The following ZFP36 variants were observed in gnomAD, a reference collection of about 807,000 sequenced individuals.
ZFP36 encodes the protein mRNA decay activator protein ZFP36.
Under a neutral mutation model 19.8 loss-of-function variants are expected in ZFP36, and 13 were observed. The observed-to-expected ratio is 0.66, with a 90% CI of 0.43 to 1.04. ZFP36 has a LOEUF of 1.04. ZFP36 is among the 50% of genes least tolerant of loss of function. ZFP36 has a pLI of 0.00. For missense variants in ZFP36, 354 were observed against 441.6 expected, an observed-to-expected ratio of 0.80 and a Z score of 1.78; for synonymous variants, 191 against 194.5, an observed-to-expected ratio of 0.98 and a Z score of 0.15.
rs1056106611 is a variant in ZFP36, at chr19:39,408,623, G to A, written c.905G>A (p.Gly302Glu). The A allele has an allele frequency of 1.2e-6, 2 of 1,607,442 alleles. No individual in the cohort carries two copies. The highest frequency in any genetic ancestry group is 8.5e-7 in the Non-Finnish European group (1 of 1,177,050). Residue 302 changes from glycine (G) to glutamate (E), a missense_variant, in exon 2 of 2, where the codon GGA becomes GAA. Transcript: ENST00000597629. The surrounding 1 kb of genome is among the most constrained non-coding windows in gnomAD (Gnocchi z 6.0). ...GGSDSPVFEA[G>E]VFAPPQPVAA... ...TCTGACTCTCCCGTCTTCGAGGCGGGAGTTTTTGCACCACCCCAGCCCGTG... is the reference window on the plus strand; with the variant it reads ...TCTGACTCTCCCGTCTTCGAGGCGGAAGTTTTTGCACCACCCCAGCCCGTG...
At position 39,407,305 on chromosome 19, in the gene ZFP36, T is replaced by TG. The variant is rs1472895631; in HGVS notation, c.24+383dup. The TG allele has an allele frequency of 1.1e-5, 5 of 453,276 alleles. No homozygotes were observed. The highest frequency in any genetic ancestry group is 8.3e-5 in the Admixed American group (2 of 24,208). The allele number at this position is 453,276 out of a possible 1,614,324, so 28.1% of individuals were successfully genotyped here. A position where few individuals can be genotyped will look rare whatever the true frequency, so the allele number is the denominator to read the frequency against. On this transcript the variant is annotated intron_variant, in intron 1 of 1. Transcript: ENST00000597629. This position sits in a 1 kb window ranked among gnomAD's most constrained non-coding sequence, Gnocchi z 7.6. ...CGTCTCTGGGGCTGAAGTCTCAGGG[T>TG]GGGGGGATCCGACTTCTGTCTCTCC... is the stretch of plus-strand genomic sequence containing the variant.
intron 1 of ZFP36, 46 bp downstream of exon 1, chr19:39,406,974 C>A (rs1198450955): frequency 1.9e-6 from 3 of 1,604,284 alleles, no homozygotes; most frequent in Admixed American, 3.4e-5. Context: ...ATGCCTGAGT[C>A]CGAGTCCCCA....
At position 39,407,563 on chromosome 19, in the gene ZFP36, G is replaced by C. The variant is rs1191898395; in HGVS notation, c.25-180G>C. ...GGGTCCCTCGGGATAAGGCCTCGGTGGTGGGTAAACTCAGAACCTCCAACT... is the reference window on the plus strand; with the variant it reads ...GGGTCCCTCGGGATAAGGCCTCGGTCGTGGGTAAACTCAGAACCTCCAACT... On this transcript the variant is annotated intron_variant, in intron 1 of 1. Transcript: ENST00000597629. This position sits in a 1 kb window ranked among gnomAD's most constrained non-coding sequence, Gnocchi z 7.6. 1.4e-5 allele frequency: 8 copies of C among 579,654 alleles called. No homozygotes were observed. Among genetic ancestry groups the C allele is most frequent in the Middle Eastern group, 4.9e-4 (1 of 2,024 alleles). The allele number at this position is 579,654 out of a possible 1,614,324, so 35.9% of individuals were successfully genotyped here.
chr19:39,408,262 C>T lies in ZFP36; in HGVS notation c.544C>T (p.Arg182Cys), dbSNP rs2078487866. 3.1e-6 allele frequency: 5 copies of T among 1,613,576 alleles called. No individual in the cohort carries two copies. The highest frequency in any genetic ancestry group is 2.2e-5 in the South Asian group (2 of 91,070). Residue 182 changes from arginine to cysteine, a missense_variant, in exon 2 of 2, where the codon CGC becomes TGC. Coordinates refer to ENST00000597629, the MANE Select transcript of ZFP36 (RefSeq NM_003407.5). The surrounding 1 kb of genome is among the most constrained non-coding windows in gnomAD (Gnocchi z 6.0). The stretch of plus-strand genomic sequence containing the variant: ...GGCCCCGGGCCACCCTCCTGTGCTT[C>T]GCCAGAGCATCAGCTTCTCCGGCCT... ...LAAPGHPPVL[R>C]QSISFSGLPS...
chr19:39,407,573 C>G lies in ZFP36; in HGVS notation c.25-170C>G. 2 of 619,162 alleles carry G rather than the reference C, an allele frequency of 3.2e-6. No individual in the cohort carries two copies. Among genetic ancestry groups the G allele is most frequent in the Non-Finnish European group, 2.7e-6 (1 of 366,144 alleles). 38.4% of individuals were successfully genotyped at this position (619,162 alleles called of 1,614,324 possible). A position where few individuals can be genotyped will look rare whatever the true frequency, so the allele number is the denominator to read the frequency against. ...GGATAAGGCCTCGGTGGTGGGTAAA[C>G]TCAGAACCTCCAACTCTGGGTTCCT... On this transcript the variant is annotated intron_variant, in intron 1 of 1. Coordinates refer to ENST00000597629, the MANE Select transcript of ZFP36 (RefSeq NM_003407.5). This position sits in a 1 kb window ranked among gnomAD's most constrained non-coding sequence, Gnocchi z 7.6.
In ZFP36 at chr19:39,407,216, C is replaced by T; in HGVS notation, c.24+288C>T. The T allele has an allele frequency of 1.9e-6, 1 of 536,130 alleles. No homozygotes were observed. Among genetic ancestry groups the T allele is most frequent in the East Asian group, 3.3e-5 (1 of 30,010 alleles). The allele number at this position is 536,130 out of a possible 1,614,324, so 33.2% of individuals were successfully genotyped here. A position where few individuals can be genotyped will look rare whatever the true frequency, so the allele number is the denominator to read the frequency against. On this transcript the variant is annotated intron_variant, in intron 1 of 1. Transcript: ENST00000597629. The surrounding 1 kb of genome is among the most constrained non-coding windows in gnomAD (Gnocchi z 7.6). ...TTCTCAGACCGAGGCTGCCTGGAGG[C>T]GGAAGTGGCCCCCATACCTGGCTCA...
Position 39,408,843 on chromosome 19 carries a change from TC to T in ZFP36, c.*148del. ...CCTTTTCCAGAATGCATTAACCCAC[TC>T]CCCTGACCTCACGCTGGGGCAGGTC... is the stretch of plus-strand genomic sequence containing the variant. On this transcript the variant is annotated 3_prime_UTR_variant, in exon 2 of 2. Transcript: ENST00000597629. This position sits in a 1 kb window ranked among gnomAD's most constrained non-coding sequence, Gnocchi z 6.0. 1 of 745,600 alleles carries T rather than the reference TC, an allele frequency of 1.3e-6. No individual in the cohort carries two copies. Among genetic ancestry groups the T allele is most frequent in the Non-Finnish European group, 2.0e-6 (1 of 492,278 alleles). The allele number at this position is 745,600 out of a possible 1,614,324, so 46.2% of individuals were successfully genotyped here.
chr19:39,408,323 G>C lies in ZFP36; in HGVS notation c.605G>C (p.Gly202Ala). Residue 202 changes from glycine (G) to alanine (A), a missense_variant, in exon 2 of 2, where the codon GGC (glycine) becomes GCC (alanine). Gly to Ala is a moderately conservative substitution (Grantham distance 60). Transcript: ENST00000597629. The surrounding 1 kb of genome is among the most constrained non-coding windows in gnomAD (Gnocchi z 6.0). ...CGCCGGACCTCACCACCACCACCAGGCCTGGCCGGCCCTTCCCTGTCCTCC... is the reference window on the plus strand; with the variant it reads ...CGCCGGACCTCACCACCACCACCAGCCCTGGCCGGCCCTTCCCTGTCCTCC... The part of the protein sequence containing the change: ...SGRRTSPPPP[G>A]LAGPSLSSSS... 5 of 1,613,382 alleles carry C rather than the reference G, an allele frequency of 3.1e-6. No homozygotes were observed. Among genetic ancestry groups the C allele is most frequent in the Non-Finnish European group, 4.2e-6 (5 of 1,179,820 alleles).
chr19:39,407,758 A>C lies in ZFP36; in HGVS notation c.40A>C (p.Ser14Arg). The C allele has an allele frequency of 6.5e-7, 1 of 1,537,830 alleles. No homozygotes were observed. Among genetic ancestry groups the C allele is most frequent in the East Asian group, 2.3e-5 (1 of 44,236 alleles). Residue 14 changes from serine to arginine, a missense_variant, in exon 2 of 2, where the codon AGC (serine) becomes CGC (arginine). Transcript: ENST00000597629. The surrounding 1 kb of genome is among the most constrained non-coding windows in gnomAD (Gnocchi z 7.6). ...ATTTCCGCAGAGCCTCCTGTCGCTG[A>C]GCCCTGACGTGCCCGTGCCATCCGA... ...TAIYESLLSLSPDVPVPSDHG... is the reference protein window; with the variant it reads ...TAIYESLLSLRPDVPVPSDHG...
At position 39,407,688 on chromosome 19, in the gene ZFP36, TG is replaced by T; in HGVS notation, c.25-51del. On this transcript the variant is annotated intron_variant, in intron 1 of 1. Coordinates refer to ENST00000597629, the MANE Select transcript of ZFP36 (RefSeq NM_003407.5). This position sits in a 1 kb window ranked among gnomAD's most constrained non-coding sequence, Gnocchi z 7.6. ...CTGGCAAGCTCTAGTTCCCTGCAGCTGGGGTGGGGCGTCGCCCTGCATTTTC... is the reference window on the plus strand; with the variant it reads ...CTGGCAAGCTCTAGTTCCCTGCAGCTGGGTGGGGCGTCGCCCTGCATTTTC... The T allele has an allele frequency of 6.8e-7, 1 of 1,463,292 alleles. No individual in the cohort carries two copies. The highest frequency in any genetic ancestry group is 9.1e-7 in the Non-Finnish European group (1 of 1,101,356). The allele number at this position is 1,463,292 out of a possible 1,614,324, so 90.6% of individuals were successfully genotyped here. A position where few individuals can be genotyped will look rare whatever the true frequency, so the allele number is the denominator to read the frequency against.
chr19:39,408,829 A>C lies in ZFP36; in HGVS notation c.*130A>C. On this transcript the variant is annotated 3_prime_UTR_variant, in exon 2 of 2. Transcript: ENST00000597629. The surrounding 1 kb of genome is among the most constrained non-coding windows in gnomAD (Gnocchi z 6.0). ...TAATCAAGTAATCCCCTTTTCCAGA[A>C]TGCATTAACCCACTCCCCTGACCTC... 2.1e-6 allele frequency: 2 copies of C among 956,360 alleles called. No individual in the cohort carries two copies. Among genetic ancestry groups the C allele is most frequent in the South Asian group, 1.8e-5 (1 of 55,614 alleles). The allele number at this position is 956,360 out of a possible 1,614,324, so 59.2% of individuals were successfully genotyped here. A position where few individuals can be genotyped will look rare whatever the true frequency, so the allele number is the denominator to read the frequency against.
Position 39,408,343 on chromosome 19 carries a change from T to C in ZFP36, c.625T>C (p.Ser209Pro), listed in dbSNP as rs763453746. 2 of 1,613,666 alleles carry C rather than the reference T, an allele frequency of 1.2e-6. No homozygotes were observed. Among genetic ancestry groups the C allele is most frequent in the Admixed American group, 3.3e-5 (2 of 60,024 alleles). The change falls in exon 2 of 2, where the codon TCC (serine) becomes CCC (proline). Residue 209 changes from serine (S) to proline (P), a missense_variant. Transcript: ENST00000597629. The surrounding 1 kb of genome is among the most constrained non-coding windows in gnomAD (Gnocchi z 6.0). ...ACCAGGCCTGGCCGGCCCTTCCCTG[T>C]CCTCCAGCTCCTTCTCGCCCTCCAG... is the stretch of plus-strand genomic sequence containing the variant. Reference protein sequence around the residue: ...PPPGLAGPSLSSSSFSPSSSP... With the variant: ...PPPGLAGPSLPSSSFSPSSSP...
intron 1 of ZFP36, 56 bp downstream of exon 1, chr19:39,406,984 A>G: frequency 6.3e-7 from 1 of 1,591,250 alleles, no homozygotes; most frequent in Non-Finnish European, 8.5e-7. Context: ...CCGAGTCCCC[A>G]CCTCTCTAGC....
rs750283766 is a variant in ZFP36, at chr19:39,408,224, G to C, written c.506G>C (p.Ser169Thr). 12 of 1,613,812 alleles carry C rather than the reference G, an allele frequency of 7.4e-6. No homozygotes were observed. The highest frequency in any genetic ancestry group is 1.0e-5 in the Non-Finnish European group (12 of 1,179,998). Residue 169 changes from serine (S) to threonine (T), a missense_variant, in exon 2 of 2, where the codon AGC (serine) becomes ACC (threonine). Coordinates refer to ENST00000597629, the MANE Select transcript of ZFP36 (RefSeq NM_003407.5). This position sits in a 1 kb window ranked among gnomAD's most constrained non-coding sequence, Gnocchi z 6.0. ...CGCTGCCACTTCATCCACAACCCTA[G>C]CGAAGACCTGGCGGCCCCGGGCCAC... ...GSRCHFIHNPSEDLAAPGHPP... is the reference protein window; with the variant it reads ...GSRCHFIHNPTEDLAAPGHPP...
Position 39,406,946 on chromosome 19 carries a change from G to C in ZFP36, c.24+18G>C, listed in dbSNP as rs1377590692. 1.1e-5 allele frequency: 17 copies of C among 1,610,614 alleles called. No individual in the cohort carries two copies. Among genetic ancestry groups the C allele is most frequent in the Non-Finnish European group, 1.4e-5 (16 of 1,179,062 alleles). Reference sequence around the variant, plus strand: ...TCTACGAGGTGAGTCCCCGCCGCACGGCATCCCCGGTACCTGCATGCCTGA... The same window carrying C: ...TCTACGAGGTGAGTCCCCGCCGCACCGCATCCCCGGTACCTGCATGCCTGA... On this transcript the variant is annotated intron_variant, in intron 1 of 1. Coordinates refer to ENST00000597629, the MANE Select transcript of ZFP36 (RefSeq NM_003407.5).
rs2078491694 is a variant in ZFP36, at chr19:39,408,826, A to C, written c.*127A>C. 8 of 981,374 alleles carry C rather than the reference A, an allele frequency of 8.2e-6. No individual in the cohort carries two copies. 60.8% of individuals were successfully genotyped at this position (981,374 alleles called of 1,614,324 possible). A position where few individuals can be genotyped will look rare whatever the true frequency, so the allele number is the denominator to read the frequency against. On this transcript the variant is annotated 3_prime_UTR_variant, in exon 2 of 2. Coordinates refer to ENST00000597629, the MANE Select transcript of ZFP36 (RefSeq NM_003407.5). This position sits in a 1 kb window ranked among gnomAD's most constrained non-coding sequence, Gnocchi z 6.0. Reference sequence around the variant, plus strand: ...CAGTAATCAAGTAATCCCCTTTTCCAGAATGCATTAACCCACTCCCCTGAC... The same window carrying C: ...CAGTAATCAAGTAATCCCCTTTTCCCGAATGCATTAACCCACTCCCCTGAC...
At position 39,406,884 on chromosome 19, in the gene ZFP36, C is replaced by T. The variant is rs772274872; in HGVS notation, c.-21C>T. ...GCGCTCCCACTCTCGGCCGACACCC[C>T]TCATGGCCAACCGTTACACCATGGA... On this transcript the variant is annotated 5_prime_UTR_variant, in exon 1 of 2. Coordinates refer to ENST00000597629, the MANE Select transcript of ZFP36 (RefSeq NM_003407.5). 1.2e-6 allele frequency: 2 copies of T among 1,607,826 alleles called. No individual in the cohort carries two copies. The highest frequency in any genetic ancestry group is 1.1e-5 in the South Asian group (1 of 90,338).
chr19:39,407,760 C>T lies in ZFP36; in HGVS notation c.42C>T (p.Ser14=). Residue 14 remains serine, a synonymous_variant, in exon 2 of 2, where the codon AGC becomes AGT. Transcript: ENST00000597629. The surrounding 1 kb of genome is among the most constrained non-coding windows in gnomAD (Gnocchi z 7.6). ...TAIYESLLSL[S]PDVPVPSDHG... is the part of the protein sequence containing the mutation. ...TTCCGCAGAGCCTCCTGTCGCTGAG[C>T]CCTGACGTGCCCGTGCCATCCGACC... 5 of 1,545,326 alleles carry T rather than the reference C, an allele frequency of 3.2e-6. No individual in the cohort carries two copies. The South Asian group carries it at 4.9e-5, about 15-fold the overall frequency.
Position 39,408,728 on chromosome 19 carries a change from G to A in ZFP36, c.*29G>A. 1 of 1,527,604 alleles carries A rather than the reference G, an allele frequency of 6.5e-7. No homozygotes were observed. The highest frequency in any genetic ancestry group is 1.3e-5 in the South Asian group (1 of 79,030). 94.6% of individuals were successfully genotyped at this position (1,527,604 alleles called of 1,614,324 possible). ...AGTGACTGCCCGGTCAGATCAGCTG[G>A]ATCTCAGCGGGGAGCCACGTCTCTT... On this transcript the variant is annotated 3_prime_UTR_variant, in exon 2 of 2. Coordinates refer to ENST00000597629, the MANE Select transcript of ZFP36 (RefSeq NM_003407.5). This position sits in a 1 kb window ranked among gnomAD's most constrained non-coding sequence, Gnocchi z 6.0.
Sources: allele counts gnomAD v4.1 joint callset, GRCh38; gene constraint gnomAD v4.1.1; non-coding constraint Gnocchi (gnomAD v3.1); transcripts MANE v1.5; gene names NCBI Gene and HGNC (gene_info 2026-07-23, HGNC 2026-07-21).